The following OPHN1 variants were observed in gnomAD, a reference collection of about 807,000 sequenced individuals.
The protein encoded by OPHN1 is oligophrenin-1.
OPHN1 carries 11 observed loss-of-function variants against 60.7 expected under a neutral mutation model. That is an observed-to-expected ratio of 0.18 (90% CI 0.11 to 0.30). The LOEUF (loss-of-function observed/expected upper bound fraction) is 0.30, where lower values mean the gene tolerates loss of function less well. Among genes scored for constraint, OPHN1 ranks in the 10% least tolerant of loss-of-function variants. OPHN1 has a pLI of 1.00. For synonymous variants in OPHN1, 226 were observed against 222.6 expected (o/e 1.02, Z -0.14); for missense variants, 449 against 611.0 (o/e 0.73, Z 2.80).
chrX:68,089,733 ATCCTACAT>A (rs1251460463), intron 19 of OPHN1, among the ~76,000 whole-genome samples: 1 of 111,613 alleles, frequency 9.0e-6, no homozygotes, highest in Non-Finnish European at 1.9e-5. Context: ...TCACAACTGC[ATCCTACAT>A]TTATCACCCT....
At chrX:68,406,975 G>A (rs1206285495) in intron 2 of OPHN1, among the ~76,000 whole-genome samples, 3 of 112,316 alleles carry the variant, frequency 2.7e-5, no homozygotes, top group Non-Finnish European at 3.8e-5. Flanking sequence ...AGGACAAGGC[G>A]AGTGAATCAC....
chrX:68,096,495 G>C (rs1261980354), intron 19 of OPHN1, among the ~76,000 whole-genome samples: 2 of 111,277 alleles, frequency 1.8e-5, no homozygotes, highest in Non-Finnish European at 3.8e-5. Context: ...CTAGCAATGG[G>C]TGAGAACATA....
intron 3 of OPHN1, among the ~76,000 whole-genome samples, chrX:68,292,771 C>T (rs2078076562): frequency 9.0e-6 from 1 of 111,361 alleles, no homozygotes; most frequent in Admixed American, 9.6e-5. Context: ...CTTCTGATTA[C>T]CTTGTATTTT....
chrX:68,372,022 G>C (rs750511992), intron 2 of OPHN1, among the ~76,000 whole-genome samples: 4 of 112,505 alleles, frequency 3.6e-5, no homozygotes, highest in Non-Finnish European at 5.6e-5. Context: ...TGGGATTACA[G>C]GTGTGAGCCA....
intron 15 of OPHN1, among the ~76,000 whole-genome samples, chrX:68,137,901 A>G (rs2077227454): frequency 9.0e-6 from 1 of 111,693 alleles, no homozygotes; most frequent in Non-Finnish European, 1.9e-5. Context: ...CTTCTATGTC[A>G]GATCTAAGGA....
At chrX:68,071,762 C>T (rs935626461) in intron 20 of OPHN1, 9 of 457,140 alleles carry the variant, frequency 2.0e-5, no homozygotes, top group South Asian at 9.5e-5. Flanking sequence ...TGTTAGAAAG[C>T]GACATTTTGG....
intron 2 of OPHN1, among the ~76,000 whole-genome samples, chrX:68,426,739 T>C (rs1474752543): frequency 3.6e-5 from 3 of 83,081 alleles, no homozygotes; most frequent in African/African-American, 1.2e-4. Context: ...AGATTGGTAG[T>C]GTGTGCTTGT....
intron 2 of OPHN1, among the ~76,000 whole-genome samples, chrX:68,420,006 G>A (rs1182762520): frequency 9.0e-6 from 1 of 111,333 alleles, no homozygotes; most frequent in East Asian, 2.8e-4. Context: ...GGTCTGGACT[G>A]TCTTCCTCAG....
intron 15 of OPHN1, among the ~76,000 whole-genome samples, chrX:68,180,535 C>T (rs1021903152): frequency 4.5e-5 from 5 of 111,530 alleles, no homozygotes; most frequent in Non-Finnish European, 9.4e-5. Flanking sequence ...AACTTAATTA[C>T]TTAATAAATG....
At chrX:68,227,019 G>A (rs776021672) in intron 6 of OPHN1, among the ~76,000 whole-genome samples, 9 of 111,299 alleles carry the variant, frequency 8.1e-5, no homozygotes, top group Non-Finnish European at 1.3e-4. Context: ...CCCATCTCAC[G>A]TGCAGAGACA....
intron 4 of OPHN1, among the ~76,000 whole-genome samples, chrX:68,275,110 G>A (rs2077986556): frequency 8.9e-6 from 1 of 112,141 alleles, no homozygotes; most frequent in African/African-American, 3.2e-5. Context: ...AGACCTGAAG[G>A]ACAGGTGAAA....
chrX:68,318,738 C>T (rs776681432), intron 2 of OPHN1, among the ~76,000 whole-genome samples: 3 of 111,530 alleles, frequency 2.7e-5, no homozygotes, highest in Non-Finnish European at 3.8e-5. Flanking sequence ...CAAATCCCAT[C>T]CAAGATCCCA....
At chrX:68,273,969 A>G (rs2077981118) in intron 5 of OPHN1, among the ~76,000 whole-genome samples, 2 of 112,094 alleles carry the variant, frequency 1.8e-5, no homozygotes, top group East Asian at 5.6e-4. Flanking sequence ...TACATCTTAC[A>G]TGGCCAGAGC....
At chrX:68,191,010 G>A (rs1235112563) in intron 15 of OPHN1, among the ~76,000 whole-genome samples, 1 of 111,913 alleles carries the variant, frequency 8.9e-6, no homozygotes. Flanking sequence ...AATGTGAGTA[G>A]GGTTGGTTGT....
chrX:68,285,879 A>C (rs912795694), intron 3 of OPHN1, among the ~76,000 whole-genome samples: 2 of 110,984 alleles, frequency 1.8e-5, no homozygotes, highest in African/African-American at 6.5e-5. Flanking sequence ...TTTAAAAAAA[A>C]TCTATCTCTT....
chrX:68,305,469 A>T (rs1437974306), intron 2 of OPHN1, among the ~76,000 whole-genome samples: 1 of 112,636 alleles, frequency 8.9e-6, no homozygotes, highest in Non-Finnish European at 1.9e-5. Flanking sequence ...ATAAAAAAGA[A>T]TATGTGCATG....
chrX:68,095,927 C>A (rs759672121), intron 19 of OPHN1, among the ~76,000 whole-genome samples: 1 of 111,597 alleles, frequency 9.0e-6, no homozygotes, highest in Non-Finnish European at 1.9e-5. Flanking sequence ...ATGTATGATG[C>A]CTTATATTTT....
chrX:68,097,518 C>A (rs1014408215), intron 18 of OPHN1, among the ~76,000 whole-genome samples: 2 of 111,348 alleles, frequency 1.8e-5, no homozygotes, highest in African/African-American at 6.5e-5. Flanking sequence ...CCTTGATCAT[C>A]TTCCTTATTT....
At chrX:68,426,891 C>CA (rs11349332) in intron 2 of OPHN1, among the ~76,000 whole-genome samples, 76 of 17,117 alleles carry the variant, frequency 4.4e-3, no homozygotes, top group South Asian at 7.1e-3. Context: ...TTAAAACAAA[C>CA]AAAAAAAAAA....
Sources: gnomAD v4.1 joint callset for allele counts (sites outside exome capture counted in the v4.1 genomes callset) on GRCh38, gnomAD v4.1.1 for gene constraint, MANE v1.5 for transcripts, NCBI Gene and HGNC (gene_info 2026-07-23, HGNC 2026-07-21) for gene names.